The following RIF1 variants were observed in gnomAD, a reference collection of about 807,000 sequenced individuals.
The protein encoded by RIF1 is replication timing regulatory factor 1, also known as telomere-associated protein RIF1.
Under a neutral mutation model 247.1 loss-of-function variants are expected in RIF1, and 45 were observed. That is an observed-to-expected ratio of 0.18 (90% CI 0.14 to 0.23). The LOEUF (loss-of-function observed/expected upper bound fraction) is 0.23, where lower values mean the gene tolerates loss of function less well. RIF1 is among the 10% of genes least tolerant of loss of function. RIF1 has a pLI of 1.00. For synonymous variants in RIF1, 1,087 were observed against 978.8 expected, an observed-to-expected ratio of 1.11 and a Z score of -2.06; for missense variants, 2,967 against 2,862.5, an observed-to-expected ratio of 1.04 and a Z score of -0.83.
chr2:151,416,775 T>C, intron 5 of RIF1, 32 bp from the exon 6 acceptor site: 3 of 1,602,724 alleles, frequency 1.9e-6, no homozygotes, highest in Non-Finnish European at 2.6e-6. Flanking sequence ...TTCAGGCTTA[T>C]TTCATTTGTA....
At position 151,496,266 on chromosome 2, in the gene RIF1, C is replaced by T. The variant is rs755064162; in HGVS notation, c.*513+940C>T. 5.7e-6 allele frequency: 9 copies of T among 1,592,550 alleles called. No individual in the cohort carries two copies. Among genetic ancestry groups the T allele is most frequent in the East Asian group, 4.5e-5 (2 of 44,578 alleles). On this transcript the variant is annotated intron_variant and NMD_transcript_variant, in intron 10 of 13. Transcript: ENST00000454583. Reference sequence around the variant, plus strand: ...TCAGTAAGTAGTTTTTTTCTTTTCTCGCCAAGTACCGAGCTAATATTTTCT... The same window carrying T: ...TCAGTAAGTAGTTTTTTTCTTTTCTTGCCAAGTACCGAGCTAATATTTTCT...
downstream of RIF1, chr2:151,485,657 A>C: frequency 8.6e-7 from 1 of 1,166,310 alleles, no homozygotes; most frequent in Non-Finnish European, 1.2e-6. Context: ...ACACAGAAAA[A>C]CCATAGGCAG....
At chr2:151,472,863 T>A (rs1020299371) in intron 34 of RIF1, among the ~76,000 whole-genome samples, 1 of 152,224 alleles carries the variant, frequency 6.6e-6, no homozygotes, top group Non-Finnish European at 1.5e-5. Context: ...CAGGCTTTGG[T>A]ATCAGGATGA....
downstream of RIF1, among the ~76,000 whole-genome samples, chr2:151,509,121 C>T (rs1459487156): frequency 6.6e-6 from 1 of 152,130 alleles, no homozygotes; most frequent in African/African-American, 2.4e-5. Context: ...ATAGGAATTA[C>T]ATTTATAAGT....
At position 151,411,342 on chromosome 2, in the gene RIF1, T is replaced by C. The variant is rs763152702; in HGVS notation, c.183+4T>C. 19 of 1,528,676 alleles carry C rather than the reference T, an allele frequency of 1.2e-5. No homozygotes were observed. Among genetic ancestry groups the C allele is most frequent in the Middle Eastern group, 1.8e-4 (1 of 5,680 alleles). 94.7% of individuals were successfully genotyped at this position (1,528,676 alleles called of 1,614,324 possible). A position where few individuals can be genotyped will look rare whatever the true frequency, so the allele number is the denominator to read the frequency against. ...TCGGCTGTACAAAGTTTTAAAGGTA[T>C]GTATCTGTTTGTTAAACAGTTTTTC... On this transcript the variant is annotated splice_donor_region_variant and intron_variant, in intron 3 of 35. Coordinates refer to ENST00000444746, the MANE Select transcript of RIF1 (RefSeq NM_018151.5).
At chr2:151,458,775 T>C in intron 24 of RIF1, 36 bp from the exon 25 acceptor site, 1 of 1,258,618 alleles carries the variant, frequency 7.9e-7, no homozygotes. Context: ...CAGTACTACT[T>C]GACTTAAGGT....
At chr2:151,500,561 T>TGAA (rs1412435376) in intron 11 of RIF1, among the ~76,000 whole-genome samples, 3 of 151,216 alleles carry the variant, frequency 2.0e-5, no homozygotes, top group African/African-American at 7.3e-5. Flanking sequence ...TGGCTTGTTT[T>TGAA]GAATAAGTAT....
chr2:151,425,577 C>T (rs560252002), intron 8 of RIF1, among the ~76,000 whole-genome samples: 3 of 150,504 alleles, frequency 2.0e-5, no homozygotes, highest in Admixed American at 6.6e-5. Context: ...TGAGAGTCCA[C>T]GTTCATCCTT....
At chr2:151,512,606 A>G, downstream of RIF1, 1 of 764,486 alleles carries the variant, frequency 1.3e-6, no homozygotes, top group Non-Finnish European at 2.2e-6. Flanking sequence ...GAGCCACTGC[A>G]CCTGGTGAAT....
chr2:151,413,081 T>A (rs902167934), intron 3 of RIF1, among the ~76,000 whole-genome samples: 3 of 152,020 alleles, frequency 2.0e-5, no homozygotes, highest in Non-Finnish European at 4.4e-5. Context: ...GTTTTGCTCT[T>A]GTTGCCCAGG....
intron 18 of RIF1, 67 bp from the exon 19 acceptor site, chr2:151,445,266 ATAAGT>A: frequency 1.1e-6 from 1 of 909,556 alleles, no homozygotes; most frequent in Non-Finnish European, 1.8e-6. Flanking sequence ...CTACTTATAA[ATAAGT>A]TATGTTACTA....
chr2:151,474,920 C>T lies in RIF1; in HGVS notation c.7268C>T (p.Ala2423Val). Residue 2423 changes from alanine (A) to valine (V), a missense_variant, in exon 36 of 36, where the codon GCT (alanine) becomes GTT (valine). Around this residue, in one of 7 missense-constraint regions of RIF1, gnomAD observed 151 missense variants for 163.4 expected, o/e 0.92. Transcript: ENST00000444746. ...LSKNLLAQIS[A>V]LALQLDSEDL... ...AAAAACCTTCTGGCACAGATTAGTG[C>T]TCTTGCTCTTCAGCTGGATTCAGAA... 6.2e-7 allele frequency: 1 copy of T among 1,608,218 alleles called. No individual in the cohort carries two copies. Among genetic ancestry groups the T allele is most frequent in the Non-Finnish European group, 8.5e-7 (1 of 1,174,902 alleles).
At chr2:151,501,623 T>TTAAC in intron 11 of RIF1, 1 of 476,902 alleles carries the variant, frequency 2.1e-6, no homozygotes, top group African/African-American at 2.0e-5. Flanking sequence ...AAAAATAGAG[T>TTAAC]TAACTATAGA....
At chr2:151,433,031 C>T in intron 9 of RIF1, 46 bp from the exon 10 acceptor site, 1 of 1,487,114 alleles carries the variant, frequency 6.7e-7, no homozygotes, top group Non-Finnish European at 9.2e-7. Flanking sequence ...TAGAGTTAAT[C>T]TTTAGCTTGG....
chr2:151,468,881 T>TA, intron 33 of RIF1, 125 bp downstream of exon 33: 1 of 721,504 alleles, frequency 1.4e-6, no homozygotes, highest in Non-Finnish European at 2.4e-6. Context: ...ATTTTATTTT[T>TA]GAAATAAAAA....
downstream of RIF1, chr2:151,512,794 G>A: frequency 6.2e-7 from 1 of 1,613,800 alleles, no homozygotes; most frequent in Non-Finnish European, 8.5e-7. Flanking sequence ...AACCACAGAA[G>A]TGAAATTGGC....
the RIF1 span, among the ~76,000 whole-genome samples, chr2:151,533,184 C>A: frequency 2.0e-5 from 3 of 152,168 alleles, no homozygotes; most frequent in African/African-American, 7.2e-5. Flanking sequence ...TAATGTTATA[C>A]CACTTTGGAA....
chr2:151,434,167 CAAA>C (rs1230432491), intron 10 of RIF1, among the ~76,000 whole-genome samples: 3 of 110,434 alleles, frequency 2.7e-5, no homozygotes, highest in African/African-American at 1.1e-4. Context: ...GACTCCATCT[CAAA>C]AAAAAAAAAA....
At chr2:151,417,059 A>C (rs2152118503) in intron 6 of RIF1, among the ~76,000 whole-genome samples, 158 bp downstream of exon 6, 1 of 152,310 alleles carries the variant, frequency 6.6e-6, no homozygotes, top group South Asian at 2.1e-4. Flanking sequence ...AAAAGATGGA[A>C]GTAGATATGT....
Sources: gnomAD v4.1 joint callset for allele counts (sites outside exome capture counted in the v4.1 genomes callset) on GRCh38, gnomAD v4.1.1 for gene constraint, gnomAD v4.1.1 regional missense constraint, MANE v1.5 for transcripts, NCBI Gene and HGNC (gene_info 2026-07-23, HGNC 2026-07-21) for gene names.